RANBP9: variants seen among roughly 807,000 people sequenced by gnomAD.
RANBP9 encodes the protein RAN binding protein 9.
RANBP9 carries 15 observed loss-of-function variants against 84.3 expected under a neutral mutation model. The ratio of observed to expected loss-of-function variants is 0.18; its 90% CI spans 0.12 to 0.27. RANBP9 has a LOEUF of 0.27. Ranked by LOEUF, RANBP9 falls within the 10% of genes least tolerant of loss-of-function variation. The pLI is 1.00. For synonymous variants in RANBP9, 392 were observed against 349.6 expected (o/e 1.12, Z -1.35); for missense variants, 809 against 912.8 (o/e 0.89, Z 1.46).
At position 13,711,070 on chromosome 6, in the gene RANBP9, C is replaced by T. The variant is rs1377042561; in HGVS notation, c.436G>A (p.Glu146Lys). The T allele has an allele frequency of 3.2e-6, 5 of 1,583,122 alleles. No homozygotes were observed. The highest frequency in any genetic ancestry group is 4.3e-6 in the Non-Finnish European group (5 of 1,164,784). Residue 146 changes from glutamate to lysine, a missense_variant, in exon 1 of 14, where the codon GAG (glutamate) becomes AAG (lysine). Glu to Lys is a moderately conservative substitution (Grantham distance 56). This residue lies in a region of RANBP9 where 302 missense variants were observed against 240.1 expected (regional missense o/e 1.26). Coordinates refer to ENST00000011619, the MANE Select transcript of RANBP9 (RefSeq NM_005493.3). ...GDSALNEQEK[E>K]LQRRLKRLYP... Reference sequence around the variant, plus strand: ...AGACGCTTCAGCCGCCGCTGCAACTCCTTCTCCTGCTCGTTCAGGGCCGAG... The same window carrying T: ...AGACGCTTCAGCCGCCGCTGCAACTTCTTCTCCTGCTCGTTCAGGGCCGAG...
chr6:13,708,475 T>C (rs1758183035), intron 1 of RANBP9, among the ~76,000 whole-genome samples: 1 of 151,772 alleles, frequency 6.6e-6, no homozygotes, highest in Non-Finnish European at 1.5e-5. Flanking sequence ...CAGAATACCT[T>C]TGGAGCAAAA....
At chr6:13,661,318 G>C (rs750122001) in intron 2 of RANBP9, among the ~76,000 whole-genome samples, 1 of 152,086 alleles carries the variant, frequency 6.6e-6, no homozygotes, top group Non-Finnish European at 1.5e-5. Flanking sequence ...CCTAGTTTTG[G>C]ATTGGGAGGA....
chr6:13,653,110 A>G (rs1765331149), intron 4 of RANBP9, among the ~76,000 whole-genome samples: 1 of 152,210 alleles, frequency 6.6e-6, no homozygotes, highest in Non-Finnish European at 1.5e-5. Flanking sequence ...CTGGAAAGAA[A>G]AGAGTTTTTC....
chr6:13,694,736 C>T (rs1562321704), intron 2 of RANBP9, among the ~76,000 whole-genome samples: 1 of 152,208 alleles, frequency 6.6e-6, no homozygotes, highest in African/African-American at 2.4e-5. Context: ...TTCAGTCCCG[C>T]CCTGTCCCCA....
Position 13,711,094 on chromosome 6 carries a change from A to C in RANBP9, c.412T>G (p.Ser138Ala). Residue 138 changes from serine to alanine, a missense_variant, in exon 1 of 14, where the codon TCG becomes GCG. Transcript: ENST00000011619. ...TCCTTCTCCTGCTCGTTCAGGGCCG[A>C]GTCCCCGTGAGGGAAGGGGGCCGCG... ...SAAAPFPHGD[S>A]ALNEQEKELQ... 2 of 1,568,986 alleles carry C rather than the reference A, an allele frequency of 1.3e-6. No homozygotes were observed. Among genetic ancestry groups the C allele is most frequent in the Non-Finnish European group, 1.7e-6 (2 of 1,157,478 alleles).
chr6:13,663,706 A>G (rs1287368632), intron 2 of RANBP9, among the ~76,000 whole-genome samples: 1 of 152,180 alleles, frequency 6.6e-6, no homozygotes, highest in Non-Finnish European at 1.5e-5. Context: ...AAACGATAAC[A>G]TATGATTACT....
intron 2 of RANBP9, among the ~76,000 whole-genome samples, chr6:13,685,070 A>G (rs1048483907): frequency 6.6e-6 from 1 of 152,326 alleles, no homozygotes; most frequent in African/African-American, 2.4e-5. Flanking sequence ...ATAAATTGCA[A>G]TAATTTTTCC....
intron 5 of RANBP9, 57 bp downstream of exon 5, chr6:13,652,602 G>A (rs1302124356): frequency 6.8e-7 from 1 of 1,461,916 alleles, no homozygotes; most frequent in Non-Finnish European, 9.4e-7. Context: ...CCCAGTATCA[G>A]TTTCTTTATA....
chr6:13,627,210 G>A (rs1210968186), intron 12 of RANBP9, among the ~76,000 whole-genome samples: 1 of 152,170 alleles, frequency 6.6e-6, no homozygotes, highest in African/African-American at 2.4e-5. Flanking sequence ...CAGCAATGAA[G>A]ATGTTTTATG....
chr6:13,676,674 A>G (rs1254184845), intron 2 of RANBP9, among the ~76,000 whole-genome samples: 1 of 152,132 alleles, frequency 6.6e-6, no homozygotes, highest in Non-Finnish European at 1.5e-5. Flanking sequence ...ACCAAGACTA[A>G]GTGGGATTTA....
intron 2 of RANBP9, among the ~76,000 whole-genome samples, chr6:13,663,423 G>A (rs1447116171): frequency 1.3e-5 from 2 of 152,060 alleles, no homozygotes; most frequent in Non-Finnish European, 2.9e-5. Context: ...TTAAAAAAAT[G>A]CTCTTAATTT....
chr6:13,696,848 G>A lies in RANBP9; in HGVS notation c.620C>T (p.Pro207Leu). 1 of 1,613,272 alleles carries A rather than the reference G, an allele frequency of 6.2e-7. No homozygotes were observed. Among genetic ancestry groups the A allele is most frequent in the Non-Finnish European group, 8.5e-7 (1 of 1,179,534 alleles). The change falls in exon 2 of 14, where the codon CCA becomes CTA. Residue 207 changes from proline (P) to leucine (L), a missense_variant. Physicochemically the swap from Pro to Leu is moderately conservative, Grantham distance 98. Around this residue, in one of 5 missense-constraint regions of RANBP9, gnomAD observed 56 missense variants for 88.2 expected, o/e 0.63. Transcript: ENST00000011619. Reference protein sequence around the residue: ...KDAASVRATHPIPAACGIYYF... With the variant: ...KDAASVRATHLIPAACGIYYF... Reference sequence around the variant, plus strand: ...ATAAATCCCACAGGCTGCTGGTATTGGATGCGTGGCTCGAACTGACGCGGC... The same window carrying A: ...ATAAATCCCACAGGCTGCTGGTATTAGATGCGTGGCTCGAACTGACGCGGC...
At chr6:13,644,247 CCTATTA>C (rs1341323013) in intron 6 of RANBP9, among the ~76,000 whole-genome samples, 1 of 152,098 alleles carries the variant, frequency 6.6e-6, no homozygotes, top group East Asian at 1.9e-4. Flanking sequence ...ATCATTAAAT[CCTATTA>C]CTAAGAATAG....
chr6:13,660,805 G>A (rs1765524310), intron 2 of RANBP9, among the ~76,000 whole-genome samples: 1 of 152,160 alleles, frequency 6.6e-6, no homozygotes, highest in African/African-American at 2.4e-5. Flanking sequence ...ACACATAGAT[G>A]TCTAGTCAAG....
At chr6:13,709,992 A>AC (rs1554108075) in intron 1 of RANBP9, among the ~76,000 whole-genome samples, 1 of 151,718 alleles carries the variant, frequency 6.6e-6, no homozygotes, top group Non-Finnish European at 1.5e-5. Context: ...CGTTAGGTTG[A>AC]TTTTTTTTTC....
intron 5 of RANBP9, among the ~76,000 whole-genome samples, chr6:13,651,831 G>A (rs1765304649): frequency 6.6e-6 from 1 of 152,030 alleles, no homozygotes; most frequent in African/African-American, 2.4e-5. Context: ...GGCTTGCCCA[G>A]GTCTAGATGA....
chr6:13,645,819 GA>G (rs1765165366), intron 5 of RANBP9, among the ~76,000 whole-genome samples: 1 of 152,282 alleles, frequency 6.6e-6, no homozygotes, highest in East Asian at 1.9e-4. Context: ...TAAAGATCAA[GA>G]GCGGATAATT....
intron 1 of RANBP9, among the ~76,000 whole-genome samples, chr6:13,707,582 A>G (rs1561699520): frequency 6.6e-6 from 1 of 152,226 alleles, no homozygotes; most frequent in Non-Finnish European, 1.5e-5. Context: ...TGAAAAGAAC[A>G]CTAAATCTGG....
chr6:13,655,104 T>TATA (rs1765370101), intron 4 of RANBP9, among the ~76,000 whole-genome samples: 1 of 152,264 alleles, frequency 6.6e-6, no homozygotes, highest in East Asian at 1.9e-4. Flanking sequence ...TAACCACTGT[T>TATA]ATACCATCTC....
Sources: gnomAD v4.1 joint callset for allele counts (sites outside exome capture counted in the v4.1 genomes callset) on GRCh38, gnomAD v4.1.1 for gene constraint, gnomAD v4.1.1 regional missense constraint, MANE v1.5 for transcripts, NCBI Gene and HGNC (gene_info 2026-07-23, HGNC 2026-07-21) for gene names.